The following SIPA1L1 variants were observed in gnomAD, a reference collection of about 807,000 sequenced individuals.
SIPA1L1 encodes signal-induced proliferation-associated 1-like protein 1.
SIPA1L1 carries 26 observed loss-of-function variants against 162.7 expected under a neutral mutation model. That is an observed-to-expected ratio of 0.16 (90% CI 0.12 to 0.22). SIPA1L1 has a LOEUF of 0.22. Among genes scored for constraint, SIPA1L1 ranks in the 10% least tolerant of loss-of-function variants. SIPA1L1 has a pLI of 1.00. For synonymous variants in SIPA1L1, 829 were observed against 837.4 expected, an observed-to-expected ratio of 0.99 and a Z score of 0.17; for missense variants, 1,874 against 2,241.0, an observed-to-expected ratio of 0.84 and a Z score of 3.31.
At chr14:71,515,615 A>G (rs1331197664) in intron 3 of SIPA1L1, among the ~76,000 whole-genome samples, 4 of 152,208 alleles carry the variant, frequency 2.6e-5, no homozygotes, top group Non-Finnish European at 4.4e-5. Context: ...AATATGGTCC[A>G]TAATATTCTA....
rs141460605 is a variant in SIPA1L1, at chr14:71,736,166, C to T, written c.5123+775C>T. 5.9e-3 allele frequency among the ~76,000 whole-genome samples: 905 copies of T among 152,308 alleles called. 7 individuals are homozygous for T. The highest frequency in any genetic ancestry group is 0.01 in the Non-Finnish European group (694 of 68,024). On this transcript the variant is annotated intron_variant, in intron 22 of 23. Transcript: ENST00000381232. ...ATTTCAGCACTTCGGGAGGCCAAGG[C>T]GGGCAGATTGCCTGAGCTCAGGAGT...
intron 7 of SIPA1L1, among the ~76,000 whole-genome samples, chr14:71,632,649 A>G (rs763033324): frequency 1.9e-4 from 29 of 152,184 alleles, no homozygotes; most frequent in Middle Eastern, 3.2e-3. Context: ...CCCAGCAATA[A>G]CGGGGTCTTC....
intron 2 of SIPA1L1, chr14:71,379,417 C>T (rs919349892): frequency 2.0e-5 from 3 of 151,996 alleles, no homozygotes; most frequent in East Asian, 1.9e-4. Context: ...AGTCTTCCCA[C>T]CTCACCCTCC....
intron 4 of SIPA1L1, among the ~76,000 whole-genome samples, chr14:71,563,656 C>A (rs2146694599): frequency 6.6e-6 from 1 of 152,322 alleles, no homozygotes; most frequent in Non-Finnish European, 1.5e-5. Context: ...TACTACCTCA[C>A]AATGCAGTGG....
At chr14:71,682,544 C>G (rs993715406) in intron 12 of SIPA1L1, among the ~76,000 whole-genome samples, 3 of 152,172 alleles carry the variant, frequency 2.0e-5, no homozygotes, top group African/African-American at 7.2e-5. Flanking sequence ...TGAATCTTCT[C>G]TCTGCTCAGA....
intron 2 of SIPA1L1, among the ~76,000 whole-genome samples, chr14:71,443,146 A>G (rs533203169): frequency 7.2e-5 from 11 of 152,298 alleles, no homozygotes; most frequent in African/African-American, 2.4e-4. Flanking sequence ...CCTGTGTTCA[A>G]AATGTCCTGA....
rs561455730 is a variant in SIPA1L1, at chr14:71,511,593, C to T, written c.-464-1150C>T. ...CATGAGCCATTGCTCCTGGCAGGAG[C>T]ATCTTTTGTTACAGTATTTGGTCTT... On this transcript the variant is annotated intron_variant, in intron 2 of 23. Transcript: ENST00000381232. Among the ~76,000 whole-genome samples, 66 of 152,266 alleles carry T rather than the reference C, an allele frequency of 4.3e-4. 2 individuals are homozygous for T. In the South Asian group the frequency reaches 0.014, roughly 32 times the overall value.
chr14:71,472,371 C>T (rs1408827716), intron 2 of SIPA1L1, among the ~76,000 whole-genome samples: 1 of 148,818 alleles, frequency 6.7e-6, no homozygotes, highest in African/African-American at 2.5e-5. Context: ...AAAAAAAAAT[C>T]CAAAAAACCA....
chr14:71,676,426 T>C (rs1176337445), intron 12 of SIPA1L1, among the ~76,000 whole-genome samples: 1 of 151,662 alleles, frequency 6.6e-6, no homozygotes, highest in South Asian at 2.1e-4. Context: ...AGGGACAGTA[T>C]AGCAAACTTT....
intron 2 of SIPA1L1, among the ~76,000 whole-genome samples, chr14:71,378,754 C>CT (rs1043656644): frequency 1.3e-5 from 2 of 151,704 alleles, no homozygotes; most frequent in Non-Finnish European, 2.9e-5. Flanking sequence ...TGTCATTGTC[C>CT]TTTTTTTATT....
intron 2 of SIPA1L1, among the ~76,000 whole-genome samples, chr14:71,485,955 G>T (rs2048723367): frequency 1.3e-5 from 2 of 152,096 alleles, no homozygotes; most frequent in African/African-American, 4.8e-5. Flanking sequence ...TCTCTCCAGA[G>T]ATCTTTCTGT....
intron 21 of SIPA1L1, among the ~76,000 whole-genome samples, chr14:71,734,851 T>C (rs2085139682): frequency 6.6e-6 from 1 of 152,236 alleles, no homozygotes; most frequent in African/African-American, 2.4e-5. Flanking sequence ...GGTATGGATT[T>C]ATGTTAAAGC....
intron 2 of SIPA1L1, among the ~76,000 whole-genome samples, chr14:71,472,848 T>TAAAA (rs35990139): frequency 7.5e-5 from 9 of 120,470 alleles, no homozygotes; most frequent in East Asian, 2.3e-4. Context: ...TATGAAAACT[T>TAAAA]AAAAAAAAAA....
chr14:71,430,887 G>A (rs1470216731), intron 2 of SIPA1L1, among the ~76,000 whole-genome samples: 1 of 152,088 alleles, frequency 6.6e-6, no homozygotes, highest in Admixed American at 6.6e-5. Flanking sequence ...TTAAAGATGG[G>A]TATTTCAAAT....
intron 10 of SIPA1L1, among the ~76,000 whole-genome samples, chr14:71,661,838 G>A (rs2043546346): frequency 6.6e-6 from 1 of 152,220 alleles, no homozygotes; most frequent in South Asian, 2.1e-4. Flanking sequence ...TTTTTGAAAA[G>A]CATTGTTATT....
chr14:71,672,210 G>A (rs2044604660), intron 11 of SIPA1L1, 138 bp from the exon 12 acceptor site: 1 of 796,582 alleles, frequency 1.3e-6, no homozygotes, highest in African/African-American at 1.7e-5. Flanking sequence ...GATTAGTGAA[G>A]AGGAAATAAC....
At chr14:71,441,615 G>A (rs1459763933) in intron 2 of SIPA1L1, among the ~76,000 whole-genome samples, 1 of 152,206 alleles carries the variant, frequency 6.6e-6, no homozygotes, top group South Asian at 2.1e-4. Context: ...CCATGGCAGA[G>A]TATAGTGCTT....
At chr14:71,654,282 C>A (rs141103087) in intron 8 of SIPA1L1, among the ~76,000 whole-genome samples, 5 of 152,156 alleles carry the variant, frequency 3.3e-5, no homozygotes, top group Admixed American at 6.5e-5. Context: ...GGGATTTTTC[C>A]TTCTTTTTTG....
intron 6 of SIPA1L1, among the ~76,000 whole-genome samples, chr14:71,620,455 C>T (rs189077715): frequency 1.3e-5 from 2 of 152,280 alleles, no homozygotes; most frequent in African/African-American, 4.8e-5. Context: ...CTTCCCAAGG[C>T]CACTCTGATT....
Sources: allele counts gnomAD v4.1 joint callset (sites outside exome capture counted in the v4.1 genomes callset), GRCh38; gene constraint gnomAD v4.1.1; transcripts MANE v1.5; gene names NCBI Gene and HGNC (gene_info 2026-07-23, HGNC 2026-07-21).